The following ANKRD13D variants were observed in gnomAD, a reference collection of about 807,000 sequenced individuals.
The protein encoded by ANKRD13D is ankyrin repeat domain 13D, also known as ankyrin repeat domain-containing protein 13D.
Under a neutral mutation model 68.8 loss-of-function variants are expected in ANKRD13D, and 24 were observed. That is an observed-to-expected ratio of 0.35 (90% CI 0.25 to 0.49). The LOEUF (loss-of-function observed/expected upper bound fraction) is 0.49, where lower values mean the gene tolerates loss of function less well. Among genes scored for constraint, ANKRD13D ranks in the 20% least tolerant of loss-of-function variants. ANKRD13D has a pLI of 0.99. For synonymous variants in ANKRD13D, 331 were observed against 336.1 expected, an observed-to-expected ratio of 0.98 and a Z score of 0.16; for missense variants, 735 against 832.1, an observed-to-expected ratio of 0.88 and a Z score of 1.44.
At chr11:67,290,290 GA>G (rs768576796) in intron 2 of ANKRD13D, 31 bp from the exon 3 acceptor site, 24 of 1,547,364 alleles carry the variant, frequency 1.6e-5, no homozygotes, top group Non-Finnish European at 1.8e-5. Flanking sequence ...GGGTCATCTG[GA>G]GGGCTCCCCT....
chr11:67,299,035 A>G lies in ANKRD13D; in HGVS notation c.732-23A>G, dbSNP rs1860869409. ...AGCGTGTGAGGGTGCAGGTCTCACC[A>G]GCTCCTGTTTGGTCTGTTTCAGGAA... On this transcript the variant is annotated intron_variant, in intron 6 of 14. Transcript: ENST00000511455. This position sits in a 1 kb window ranked among gnomAD's most constrained non-coding sequence, Gnocchi z 6.2. 2.5e-6 allele frequency: 4 copies of G among 1,597,908 alleles called. No homozygotes were observed. Among genetic ancestry groups the G allele is most frequent in the Non-Finnish European group, 3.4e-6 (4 of 1,169,536 alleles).
intron 6 of ANKRD13D, 129 bp downstream of exon 6, chr11:67,292,309 G>A: frequency 9.0e-7 from 1 of 1,114,674 alleles, no homozygotes; most frequent in South Asian, 2.3e-5. Context: ...GGCTGCTCAG[G>A]GGCAGGTGGG....
In ANKRD13D at chr11:67,299,501, C is replaced by T; in HGVS notation, c.799-29C>T. 2 of 1,536,642 alleles carry T rather than the reference C, an allele frequency of 1.3e-6. No homozygotes were observed. The highest frequency in any genetic ancestry group is 1.8e-6 in the Non-Finnish European group (2 of 1,134,912). The stretch of plus-strand genomic sequence containing the variant: ...GAGTGTGGGGAGCAGGCTCTGAGCC[C>T]CCAGCTCCCCGTGTCCCCTGCTCCC... On this transcript the variant is annotated intron_variant, in intron 7 of 14. Coordinates refer to ENST00000511455, the MANE Select transcript of ANKRD13D (RefSeq NM_207354.3). The surrounding 1 kb of genome is among the most constrained non-coding windows in gnomAD (Gnocchi z 6.2).
chr11:67,300,438 G>A lies in ANKRD13D; in HGVS notation c.1073+315G>A. 2.6e-6 allele frequency: 1 copy of A among 386,584 alleles called. No homozygotes were observed. Among genetic ancestry groups the A allele is most frequent in the Non-Finnish European group, 4.8e-6 (1 of 209,656 alleles). The allele number at this position is 386,584 out of a possible 1,614,324, so 23.9% of individuals were successfully genotyped here. ...GCCCCCAGCGACGTGGCCTGGGAGT[G>A]GAGCGTCTGCCTTGGTGGAACAGAA... On this transcript the variant is annotated intron_variant, in intron 10 of 14. Coordinates refer to ENST00000511455, the MANE Select transcript of ANKRD13D (RefSeq NM_207354.3). This position sits in a 1 kb window ranked among gnomAD's most constrained non-coding sequence, Gnocchi z 4.3.
In ANKRD13D at chr11:67,299,667, T is replaced by A; in HGVS notation, c.880+56T>A. 6.5e-7 allele frequency: 1 copy of A among 1,543,048 alleles called. No homozygotes were observed. ...GTCACACCGTGTGGTGGGGTCACCC[T>A]GGCCTGGGATTAGGGGCCAGAGTTT... is the stretch of plus-strand genomic sequence containing the variant. On this transcript the variant is annotated intron_variant, in intron 8 of 14. Coordinates refer to ENST00000511455, the MANE Select transcript of ANKRD13D (RefSeq NM_207354.3). The surrounding 1 kb of genome is among the most constrained non-coding windows in gnomAD (Gnocchi z 6.2).
chr11:67,293,854 A>G (rs1413614746), intron 6 of ANKRD13D, among the ~76,000 whole-genome samples: 1 of 152,128 alleles, frequency 6.6e-6, no homozygotes, highest in Non-Finnish European at 1.5e-5. Context: ...TCTTTTGATT[A>G]TTGAGTCATA....
chr11:67,300,070 C>G lies in ANKRD13D; in HGVS notation c.1020C>G (p.Ser340Arg). ...AGGAGTACTTCGACCCCAACTTCAG[C>G]CTGGAGTCACGGAACATTGGCCGCC... The part of the protein sequence containing the change: ...SPEEYFDPNF[S>R]LESRNIGRPI... The change falls in exon 10 of 15, where the codon AGC (serine) becomes AGG (arginine). Residue 340 changes from serine to arginine, a missense_variant. Transcript: ENST00000511455. The surrounding 1 kb of genome is among the most constrained non-coding windows in gnomAD (Gnocchi z 4.3). 6.2e-7 allele frequency: 1 copy of G among 1,614,116 alleles called. No individual in the cohort carries two copies. Among genetic ancestry groups the G allele is most frequent in the African/African-American group, 1.3e-5 (1 of 75,062 alleles).
chr11:67,298,992 GA>G, intron 6 of ANKRD13D, 65 bp from the exon 7 acceptor site: 1 of 1,577,788 alleles, frequency 6.3e-7, no homozygotes, highest in Non-Finnish European at 8.7e-7. Flanking sequence ...GGGGGCTTTG[GA>G]AAGGAAGGCT....
rs763526520 is a variant in ANKRD13D, at chr11:67,300,164, G to C, written c.1073+41G>C. 9.9e-6 allele frequency: 16 copies of C among 1,611,064 alleles called. No homozygotes were observed. The highest frequency in any genetic ancestry group is 1.4e-5 in the Non-Finnish European group (16 of 1,178,442). The stretch of plus-strand genomic sequence containing the variant: ...TGGCTGGGGACTTGCCTCGGGACAA[G>C]GGCTCTTGCAGACCCCTCTCTGGGC... On this transcript the variant is annotated intron_variant, in intron 10 of 14. Transcript: ENST00000511455. This position sits in a 1 kb window ranked among gnomAD's most constrained non-coding sequence, Gnocchi z 4.3.
chr11:67,297,749 T>C (rs1479706717), intron 6 of ANKRD13D: 2 of 151,384 alleles, frequency 1.3e-5, no homozygotes, highest in Non-Finnish European at 1.5e-5. Context: ...ATGGTCTCCA[T>C]CTCCTGACCT....
chr11:67,290,557 C>T, intron 3 of ANKRD13D, 111 bp downstream of exon 3: 1 of 1,430,584 alleles, frequency 7.0e-7, no homozygotes, highest in Non-Finnish European at 9.3e-7. Flanking sequence ...GTGCCTCCTG[C>T]CACCAGCAAG....
rs1399471771 is a variant in ANKRD13D at position 67,301,876 on chromosome 11, C to T, written c.1604+53C>T. 3.5e-5 allele frequency: 53 copies of T among 1,517,782 alleles called. No homozygotes were observed. Among genetic ancestry groups the T allele is most frequent in the South Asian group, 1.9e-4 (15 of 81,024 alleles). 94.0% of individuals were successfully genotyped at this position (1,517,782 alleles called of 1,614,324 possible). A position where few individuals can be genotyped will look rare whatever the true frequency, so the allele number is the denominator to read the frequency against. On this transcript the variant is annotated intron_variant, in intron 14 of 14. Transcript: ENST00000511455. The surrounding 1 kb of genome is among the most constrained non-coding windows in gnomAD (Gnocchi z 4.5). ...CCCTGTCCCCCCAGCCCTGGCTTGG[C>T]GGGGAGGGGGATAGCAGGAAGGTGC...
Position 67,290,083 on chromosome 11 carries a change from CATTGAACA to C in ANKRD13D, c.97_104del (p.Ile33GlyfsTer89). 1 of 1,537,022 alleles carries C rather than the reference CATTGAACA, an allele frequency of 6.5e-7. No homozygotes were observed. The highest frequency in any genetic ancestry group is 8.7e-7 in the Non-Finnish European group (1 of 1,146,802). ...GAGTGTCCCGTCTCCCCCAGCACGA[CATTGAACA>C]GGAGGACCCCCGCGGGCGGACCCCA... On this transcript the variant is annotated frameshift_variant, in exon 2 of 15. Transcript: ENST00000511455. LOFTEE classifies it high-confidence loss of function.
At chr11:67,289,679 T>A in intron 1 of ANKRD13D, 129 bp downstream of exon 1, 1 of 1,181,928 alleles carries the variant, frequency 8.5e-7, no homozygotes, top group Non-Finnish European at 1.1e-6. Context: ...CTTCCTCCCC[T>A]GCACGATCCC....
rs1215743555 is a variant in ANKRD13D, at chr11:67,301,349, C to T, written c.1299C>T (p.Pro433=). 3.7e-6 allele frequency: 6 copies of T among 1,613,752 alleles called. No homozygotes were observed. The highest frequency in any genetic ancestry group is 4.2e-6 in the Non-Finnish European group (5 of 1,179,900). The part of the protein sequence containing the change: ...TFSNLCGCDE[P]LSSVWVPAPS... ...GCAACCTGTGTGGCTGTGATGAGCC[C>T]CTGAGCTCCGTGTGGGTGCCGGCCC... Residue 433 remains proline (P), a synonymous_variant, in exon 12 of 15, where the codon CCC becomes CCT. Transcript: ENST00000511455. The surrounding 1 kb of genome is among the most constrained non-coding windows in gnomAD (Gnocchi z 4.5).
Position 67,291,608 on chromosome 11 carries a change from C to T in ANKRD13D, c.403C>T (p.Leu135Phe). 4 of 1,614,004 alleles carry T rather than the reference C, an allele frequency of 2.5e-6. No homozygotes were observed. The highest frequency in any genetic ancestry group is 3.4e-6 in the Non-Finnish European group (4 of 1,180,022). ...GACCCCTGTGCACCCTGCAGTGCCC[C>T]TTGTGTCTAAGATGTGCCCAAGCGA... ...MKWEFTSWVP[L>F]VSKMCPSDVY... is the part of the protein sequence containing the mutation. The change falls in exon 5 of 15, where the codon CTT becomes TTT. Residue 135 changes from leucine to phenylalanine, a missense_variant. Physicochemically the swap from Leu to Phe is conservative, Grantham distance 22. Transcript: ENST00000511455.
chr11:67,301,982 C>T lies in ANKRD13D; in HGVS notation c.1605-137C>T, dbSNP rs1243876151. On this transcript the variant is annotated intron_variant, in intron 14 of 14. Transcript: ENST00000511455. The surrounding 1 kb of genome is among the most constrained non-coding windows in gnomAD (Gnocchi z 4.5). ...AAAGGTGGTGTGAGGGGTGGGGAAG[C>T]AGGGCCCTGCCTTGTCTCCTCTGCT... 4 of 1,343,426 alleles carry T rather than the reference C, an allele frequency of 3.0e-6. No homozygotes were observed. Among genetic ancestry groups the T allele is most frequent in the South Asian group, 1.5e-5 (1 of 66,758 alleles). The allele number at this position is 1,343,426 out of a possible 1,614,324, so 83.2% of individuals were successfully genotyped here.
At position 67,300,256 on chromosome 11, in the gene ANKRD13D, G is replaced by A. The variant is rs943714228; in HGVS notation, c.1073+133G>A. On this transcript the variant is annotated intron_variant, in intron 10 of 14. Coordinates refer to ENST00000511455, the MANE Select transcript of ANKRD13D (RefSeq NM_207354.3). The surrounding 1 kb of genome is among the most constrained non-coding windows in gnomAD (Gnocchi z 4.3). Reference sequence around the variant, plus strand: ...TGGACTCCACTCCTGGAGGGCAGGAGTCATGTCTGCCTTATCCATGGTCCT... The same window carrying A: ...TGGACTCCACTCCTGGAGGGCAGGAATCATGTCTGCCTTATCCATGGTCCT... The A allele has an allele frequency of 2.3e-6, 3 of 1,315,356 alleles. No individual in the cohort carries two copies. Among genetic ancestry groups the A allele is most frequent in the African/African-American group, 2.9e-5 (2 of 67,844 alleles). 81.5% of individuals were successfully genotyped at this position (1,315,356 alleles called of 1,614,324 possible).
At chr11:67,292,614 G>A (rs1437164661) in intron 6 of ANKRD13D, among the ~76,000 whole-genome samples, 2 of 150,430 alleles carry the variant, frequency 1.3e-5, no homozygotes, top group Non-Finnish European at 3.0e-5. Flanking sequence ...ACAGTCAGTG[G>A]AAACACTTAA....
Sources: gnomAD v4.1 joint callset for allele counts (sites outside exome capture counted in the v4.1 genomes callset) on GRCh38, gnomAD v4.1.1 for gene constraint, Gnocchi (gnomAD v3.1) non-coding constraint, MANE v1.5 for transcripts, NCBI Gene and HGNC (gene_info 2026-07-23, HGNC 2026-07-21) for gene names.